The following NAALADL2 variants were observed in gnomAD, a reference collection of about 807,000 sequenced individuals.
NAALADL2 encodes N-acetylated alpha-linked acidic dipeptidase like 2.
Under a neutral mutation model 87.2 loss-of-function variants are expected in NAALADL2, and 76 were observed. The observed-to-expected ratio is 0.87, with a 90% CI of 0.72 to 1.05. The LOEUF (loss-of-function observed/expected upper bound fraction) is 1.05, where lower values mean the gene tolerates loss of function less well. Among genes scored for constraint, NAALADL2 ranks in the 50% least tolerant of loss-of-function variants. The probability of loss-of-function intolerance (pLI) is 0.00; values close to 1 mark genes in which losing one functional copy is unlikely to be tolerated. For missense variants in NAALADL2, 1,089 were observed against 945.8 expected (o/e 1.15, Z -1.99); for synonymous variants, 354 against 331.0 (o/e 1.07, Z -0.75).
chr3:174,863,164 G>A (rs1219843748), intron 1 of NAALADL2, among the ~76,000 whole-genome samples: 1 of 152,086 alleles, frequency 6.6e-6, no homozygotes, highest in Non-Finnish European at 1.5e-5. Context: ...ATTGTTTTTG[G>A]TTTCACAGAA....
At chr3:175,530,125 C>A (rs1266412671) in intron 9 of NAALADL2, among the ~76,000 whole-genome samples, 4 of 152,126 alleles carry the variant, frequency 2.6e-5, no homozygotes, top group Non-Finnish European at 4.4e-5. Context: ...TTCATGGGCC[C>A]ATCGGGCGAT....
Position 175,808,463 on chromosome 3 carries a change from T to C in NAALADL2, c.*5260T>C, listed in dbSNP as rs1407646645. 2 of 151,986 alleles carry C rather than the reference T, an allele frequency of 1.3e-5. No individual in the cohort carries two copies. Among genetic ancestry groups the C allele is most frequent in the African/African-American group, 4.8e-5 (2 of 41,402 alleles). 9.4% of individuals were successfully genotyped at this position (151,986 alleles called of 1,614,324 possible). A position where few individuals can be genotyped will look rare whatever the true frequency, so the allele number is the denominator to read the frequency against. ...AATGCATGATTACTCTGATTTCTTA[T>C]GCACCATTCAGTCAAGACTTAACTC... is the stretch of plus-strand genomic sequence containing the variant. On this transcript the variant is annotated 3_prime_UTR_variant, in exon 14 of 14. Coordinates refer to ENST00000454872, the MANE Select transcript of NAALADL2 (RefSeq NM_207015.3).
intron 1 of NAALADL2, among the ~76,000 whole-genome samples, chr3:174,497,555 T>C (rs1421148899): frequency 6.6e-6 from 1 of 152,196 alleles, no homozygotes; most frequent in Non-Finnish European, 1.5e-5. Flanking sequence ...TCCTCCATGG[T>C]CATGTTATGC....
chr3:175,140,742 A>C (rs1161474512), intron 2 of NAALADL2, among the ~76,000 whole-genome samples: 3 of 152,178 alleles, frequency 2.0e-5, no homozygotes, highest in Admixed American at 2.0e-4. Flanking sequence ...AATGCCAGCC[A>C]TGTAAAGAGG....
chr3:175,054,144 C>T (rs1711598458), intron 1 of NAALADL2, among the ~76,000 whole-genome samples: 1 of 152,190 alleles, frequency 6.6e-6, no homozygotes. Flanking sequence ...CAGCCAATAC[C>T]TCAATTACAG....
intron 5 of NAALADL2, among the ~76,000 whole-genome samples, chr3:175,402,505 T>C (rs536075171): frequency 1.5e-4 from 23 of 152,194 alleles, no homozygotes; most frequent in African/African-American, 5.3e-4. Flanking sequence ...GTGAACAGAA[T>C]CCTTTTTATC....
intron 2 of NAALADL2, among the ~76,000 whole-genome samples, chr3:175,215,919 T>A (rs1040659098): frequency 6.6e-6 from 1 of 152,148 alleles, no homozygotes; most frequent in Non-Finnish European, 1.5e-5. Context: ...AAGAAAAATG[T>A]AGGACTAGGT....
chr3:175,054,099 A>G (rs1711585345), intron 1 of NAALADL2, among the ~76,000 whole-genome samples: 1 of 152,256 alleles, frequency 6.6e-6, no homozygotes, highest in Non-Finnish European at 1.5e-5. Flanking sequence ...CCACGTATGA[A>G]GAATCAGAAC....
intron 5 of NAALADL2, among the ~76,000 whole-genome samples, chr3:175,400,172 A>G (rs1031818041): frequency 6.6e-6 from 1 of 152,178 alleles, no homozygotes; most frequent in African/African-American, 2.4e-5. Context: ...GAGAAAAAAA[A>G]TCAATCTGCG....
At chr3:174,711,106 G>T (rs1277406716) in intron 2 of NAALADL2, among the ~76,000 whole-genome samples, 2 of 152,004 alleles carry the variant, frequency 1.3e-5, no homozygotes, top group African/African-American at 4.8e-5. Context: ...TTTCCTCTTG[G>T]GGGAAAACTG....
intron 3 of NAALADL2, among the ~76,000 whole-genome samples, chr3:174,745,100 A>G (rs1228145196): frequency 2.0e-5 from 3 of 152,110 alleles, no homozygotes; most frequent in African/African-American, 7.2e-5. Flanking sequence ...CTAAGATCAG[A>G]GTGGAACTGA....
intron 12 of NAALADL2, among the ~76,000 whole-genome samples, chr3:175,744,309 A>C (rs1362299886): frequency 6.6e-6 from 1 of 152,202 alleles, no homozygotes; most frequent in Non-Finnish European, 1.5e-5. Context: ...TCTCAAATGG[A>C]TGAGCCAGGA....
intron 11 of NAALADL2, among the ~76,000 whole-genome samples, chr3:175,697,523 T>C (rs1257703647): frequency 6.6e-6 from 1 of 151,488 alleles, no homozygotes; most frequent in Non-Finnish European, 1.5e-5. Context: ...AAAACCCTAC[T>C]TATGAGGGTG....
chr3:175,031,662 A>T (rs1327864918), intron 1 of NAALADL2, among the ~76,000 whole-genome samples: 2 of 152,086 alleles, frequency 1.3e-5, no homozygotes, highest in Non-Finnish European at 2.9e-5. Flanking sequence ...ATCAAATGGT[A>T]GTTCTGTATT....
intron 1 of NAALADL2, among the ~76,000 whole-genome samples, chr3:174,929,504 A>G (rs1736559389): frequency 1.3e-5 from 2 of 152,162 alleles, no homozygotes; most frequent in East Asian, 1.9e-4. Flanking sequence ...CATCTTTTAG[A>G]GCATTATATA....
chr3:175,275,024 ACCTTATTAT>A (rs1473736796), intron 4 of NAALADL2, among the ~76,000 whole-genome samples: 1 of 152,100 alleles, frequency 6.6e-6, no homozygotes, highest in African/African-American at 2.4e-5. Flanking sequence ...TCATTATTTC[ACCTTATTAT>A]CTGAATTGTT....
chr3:174,497,811 T>C (rs1471620806), intron 1 of NAALADL2, among the ~76,000 whole-genome samples: 1 of 152,146 alleles, frequency 6.6e-6, no homozygotes, highest in African/African-American at 2.4e-5. Flanking sequence ...TAGACTAAAA[T>C]ATGTGACAAT....
chr3:175,002,777 T>C (rs1282192996), intron 1 of NAALADL2, among the ~76,000 whole-genome samples: 1 of 152,176 alleles, frequency 6.6e-6, no homozygotes, highest in Non-Finnish European at 1.5e-5. Context: ...CATCACTGTT[T>C]TGGTATTATT....
chr3:175,165,650 C>T (rs1733890387), intron 2 of NAALADL2, among the ~76,000 whole-genome samples: 1 of 152,086 alleles, frequency 6.6e-6, no homozygotes, highest in African/African-American at 2.4e-5. Flanking sequence ...AATTAATTAA[C>T]TTAGTGTGTG....
Sources: gnomAD v4.1 joint callset for allele counts (sites outside exome capture counted in the v4.1 genomes callset) on GRCh38, gnomAD v4.1.1 for gene constraint, MANE v1.5 for transcripts, NCBI Gene and HGNC (gene_info 2026-07-23, HGNC 2026-07-21) for gene names.